Variants in PTPRJ observed in about 807,000 individuals in gnomAD.
PTPRJ encodes the protein receptor-type tyrosine-protein phosphatase eta.
Under a neutral mutation model 141.3 loss-of-function variants are expected in PTPRJ, and 129 were observed. The observed-to-expected ratio is 0.91, with a 90% CI of 0.79 to 1.06. PTPRJ has a LOEUF of 1.06. PTPRJ is among the 50% of genes least tolerant of loss of function. PTPRJ has a pLI of 0.00. For missense variants in PTPRJ, 1,601 were observed against 1,679.7 expected (o/e 0.95, Z 0.82); for synonymous variants, 610 against 640.5 (o/e 0.95, Z 0.72).
intron 6 of PTPRJ, 103 bp from the exon 7 acceptor site, chr11:48,127,677 C>T (rs1856874234): frequency 2.4e-6 from 3 of 1,232,546 alleles, no homozygotes; most frequent in Middle Eastern, 2.4e-4. Flanking sequence ...AAGGAACACT[C>T]CCCCAGGAGA....
At chr11:48,153,936 C>G in intron 19 of PTPRJ, 50 bp downstream of exon 19, 1 of 1,294,980 alleles carries the variant, frequency 7.7e-7, no homozygotes, top group East Asian at 2.3e-5. Flanking sequence ...CAGTGGCCAT[C>G]ACATCTCTAA....
intron 1 of PTPRJ, among the ~76,000 whole-genome samples, chr11:48,080,422 C>T (rs899400937): frequency 2.6e-5 from 4 of 152,104 alleles, no homozygotes; most frequent in South Asian, 2.1e-4. Context: ...TGCCTGTGAT[C>T]GGGTAACTCA....
intron 24 of PTPRJ, among the ~76,000 whole-genome samples, chr11:48,165,589 T>C (rs1857898691): frequency 6.6e-6 from 1 of 152,218 alleles, no homozygotes; most frequent in South Asian, 2.1e-4. Context: ...TGTTTTTGAG[T>C]CTAGCAGGGA....
At chr11:48,137,340 T>G in intron 10 of PTPRJ, 59 bp downstream of exon 10, 2 of 1,548,870 alleles carry the variant, frequency 1.3e-6, no homozygotes, top group South Asian at 1.2e-5. Context: ...ACCTTGCAGG[T>G]CAGTCCTCCC....
At chr11:47,982,971 C>G (rs990154997) in intron 1 of PTPRJ, among the ~76,000 whole-genome samples, 1 of 152,068 alleles carries the variant, frequency 6.6e-6, no homozygotes, top group African/African-American at 2.4e-5. Flanking sequence ...AATCCACATT[C>G]AGCAGTTCAT....
At chr11:48,140,157 C>T (rs1346645604) in intron 11 of PTPRJ, among the ~76,000 whole-genome samples, 4 of 152,166 alleles carry the variant, frequency 2.6e-5, no homozygotes, top group African/African-American at 9.7e-5. Flanking sequence ...GCCTCAGCCT[C>T]CTGAGTAGCT....
chr11:48,078,795 GTTTTTTTTTTT>G (rs55980751), intron 1 of PTPRJ, among the ~76,000 whole-genome samples: 5 of 96,274 alleles, frequency 5.2e-5, no homozygotes, highest in African/African-American at 2.0e-4. Context: ...TCTGTAAATA[GTTTTTTTTTTT>G]TTTTTTTTTT....
chr11:48,091,961 A>G (rs1590491106), intron 1 of PTPRJ, among the ~76,000 whole-genome samples: 2 of 152,142 alleles, frequency 1.3e-5, no homozygotes, highest in Non-Finnish European at 1.5e-5. Flanking sequence ...CTTTGGCAAC[A>G]TGAATTGTTA....
At chr11:48,055,973 A>C (rs1430789181) in intron 1 of PTPRJ, among the ~76,000 whole-genome samples, 1 of 152,198 alleles carries the variant, frequency 6.6e-6, no homozygotes, top group Non-Finnish European at 1.5e-5. Context: ...GTTCTCAGAG[A>C]AGCCGGAGCT....
intron 1 of PTPRJ, among the ~76,000 whole-genome samples, chr11:48,003,152 A>C (rs1455472957): frequency 6.6e-6 from 1 of 152,194 alleles, no homozygotes; most frequent in African/African-American, 2.4e-5. Flanking sequence ...GATGATATTA[A>C]CCATGATGTT....
intron 1 of PTPRJ, among the ~76,000 whole-genome samples, chr11:48,053,296 TA>T (rs1218657600): frequency 1.1e-5 from 1 of 90,684 alleles, no homozygotes; most frequent in Non-Finnish European, 2.0e-5. Context: ...TAAAAATATA[TA>T]AAATATATAA....
At chr11:48,161,057 A>C (rs900702303) in intron 22 of PTPRJ, among the ~76,000 whole-genome samples, 1 of 151,490 alleles carries the variant, frequency 6.6e-6, no homozygotes, top group African/African-American at 2.4e-5. Flanking sequence ...ATACACCTGT[A>C]GTCCCAGCTA....
At position 48,158,067 on chromosome 11, in the gene PTPRJ, G is replaced by T. The variant is rs2134383471; in HGVS notation, c.3439-1863G>T. ...CTTGGGAGGCTGAGGCAGGAGAATG[G>T]CCTGAACCCAGGAGGCGGAGGTTGC... On this transcript the variant is annotated intron_variant, in intron 21 of 24. Coordinates refer to ENST00000418331, the MANE Select transcript of PTPRJ (RefSeq NM_002843.4). This position sits in a 1 kb window ranked among gnomAD's most constrained non-coding sequence, Gnocchi z 4.4. Among the ~76,000 whole-genome samples the T allele has an allele frequency of 6.6e-6, 1 of 152,258 alleles. No homozygotes were observed. The highest frequency in any genetic ancestry group is 1.9e-4 in the East Asian group (1 of 5,152).
At chr11:48,050,551 T>C (rs1488181442) in intron 1 of PTPRJ, among the ~76,000 whole-genome samples, 3 of 152,214 alleles carry the variant, frequency 2.0e-5, no homozygotes, top group East Asian at 3.8e-4. Context: ...CTTCACACAT[T>C]TGTTCCTCAG....
intron 15 of PTPRJ, among the ~76,000 whole-genome samples, chr11:48,147,760 C>T (rs4752905): frequency 0.98 from 149,639 of 152,338 alleles, 73,556 homozygotes; most frequent in Middle Eastern, 1. Context: ...CTTAGGGGTC[C>T]TCATGCGGCC....
chr11:48,029,413 A>T (rs1419168216), intron 1 of PTPRJ, among the ~76,000 whole-genome samples: 4 of 152,226 alleles, frequency 2.6e-5, no homozygotes, highest in Admixed American at 6.5e-5. Flanking sequence ...AGGGAGAATT[A>T]CTTGTTCCCT....
chr11:48,169,170 A>G lies in PTPRJ; in HGVS notation c.*1808A>G, dbSNP rs1857996968. 6.6e-6 allele frequency: 1 copy of G among 152,194 alleles called. No homozygotes were observed. The highest frequency in any genetic ancestry group is 1.5e-5 in the Non-Finnish European group (1 of 68,036). 9.4% of individuals were successfully genotyped at this position (152,194 alleles called of 1,614,324 possible). A position where few individuals can be genotyped will look rare whatever the true frequency, so the allele number is the denominator to read the frequency against. On this transcript the variant is annotated 3_prime_UTR_variant, in exon 25 of 25. Coordinates refer to ENST00000418331, the MANE Select transcript of PTPRJ (RefSeq NM_002843.4). ...AGCCCCGGCTGTGGTTCGGAGGGTT[A>G]GTGCTGTATGCCTTTTATTTCCCTT... is the stretch of plus-strand genomic sequence containing the variant.
chr11:48,009,552 T>A (rs1173185539), intron 1 of PTPRJ, among the ~76,000 whole-genome samples: 1 of 152,128 alleles, frequency 6.6e-6, no homozygotes. Flanking sequence ...GCCGAGATTG[T>A]GCCACTGCAC....
intron 1 of PTPRJ, among the ~76,000 whole-genome samples, chr11:48,004,813 T>G (rs1363557366): frequency 2.0e-5 from 3 of 152,200 alleles, no homozygotes; most frequent in Non-Finnish European, 4.4e-5. Flanking sequence ...AAGGATTTTC[T>G]TTTCATGTTG....
Sources: allele counts gnomAD v4.1 joint callset (sites outside exome capture counted in the v4.1 genomes callset), GRCh38; gene constraint gnomAD v4.1.1; non-coding constraint Gnocchi (gnomAD v3.1); transcripts MANE v1.5; gene names NCBI Gene and HGNC (gene_info 2026-07-23, HGNC 2026-07-21).